The following AZI2 variants were observed in gnomAD, a reference collection of about 807,000 sequenced individuals.
AZI2 encodes 5-azacytidine-induced protein 2.
In AZI2, 22 loss-of-function variants were observed where a neutral mutation model predicts 45.8. The ratio of observed to expected loss-of-function variants is 0.48; its 90% CI spans 0.34 to 0.69. AZI2 has a LOEUF of 0.69. Among genes scored for constraint, AZI2 ranks in the 30% least tolerant of loss-of-function variants. The probability of loss-of-function intolerance (pLI) is 0.01; values close to 1 mark genes in which losing one functional copy is unlikely to be tolerated. For synonymous variants in AZI2, 137 were observed against 156.7 expected, an observed-to-expected ratio of 0.87 and a Z score of 0.94; for missense variants, 417 against 441.5, an observed-to-expected ratio of 0.94 and a Z score of 0.50.
chr3:28,336,323 GTTGTT>G (rs1319548235), intron 5 of AZI2, among the ~76,000 whole-genome samples: 1 of 151,812 alleles, frequency 6.6e-6, no homozygotes. Context: ...TTTCTTTGTT[GTTGTT>G]TTAATTATAA....
chr3:28,338,760 A>G, intron 2 of AZI2, 145 bp from the exon 3 acceptor site: 1 of 766,258 alleles, frequency 1.3e-6, no homozygotes, highest in Non-Finnish European at 1.9e-6. Context: ...TCATTTCCAC[A>G]AATTAATCTT....
intron 7 of AZI2, 133 bp downstream of exon 7, chr3:28,326,699 T>C (rs1238151017): frequency 1.3e-6 from 1 of 768,268 alleles, no homozygotes; most frequent in African/African-American, 1.7e-5. Flanking sequence ...AGAGAATGGG[T>C]AGGCTGCGAA....
At chr3:28,337,844 T>A in intron 4 of AZI2, 93 bp downstream of exon 4, 2 of 701,794 alleles carry the variant, frequency 2.8e-6, no homozygotes, top group Non-Finnish European at 4.3e-6. Flanking sequence ...AGTTAAGGTC[T>A]TAGCATATGG....
chr3:28,340,610 G>A lies in AZI2; in HGVS notation c.8C>T (p.Ala3Val), dbSNP rs752538099. 1.2e-6 allele frequency: 2 copies of A among 1,606,612 alleles called. No homozygotes were observed. Among genetic ancestry groups the A allele is most frequent in the Non-Finnish European group, 1.7e-6 (2 of 1,176,760 alleles). ...AATACAGATATCATCTTCTACCAGTGCATCCATGACAACTGTTTAAAAGAA... is the reference window on the plus strand; with the variant it reads ...AATACAGATATCATCTTCTACCAGTACATCCATGACAACTGTTTAAAAGAA... Reference protein sequence around the residue: MDALVEDDICILN... With the variant: MDVLVEDDICILN... Residue 3 changes from alanine to valine, a missense_variant, in exon 2 of 8, where the codon GCA becomes GTA. By Grantham distance (64) the Ala-to-Val change is moderately conservative. Coordinates refer to ENST00000479665, the MANE Select transcript of AZI2 (RefSeq NM_022461.5).
chr3:28,334,404 A>C (rs1322096370), intron 5 of AZI2, among the ~76,000 whole-genome samples: 5 of 151,948 alleles, frequency 3.3e-5, no homozygotes, highest in African/African-American at 1.2e-4. Flanking sequence ...ATGCATCAAG[A>C]TTTCAACTTG....
chr3:28,347,240 T>C (rs1005823896), intron 1 of AZI2, among the ~76,000 whole-genome samples: 7 of 152,212 alleles, frequency 4.6e-5, no homozygotes, highest in African/African-American at 1.7e-4. Context: ...CTTCAGCATT[T>C]TACTTAATAA....
chr3:28,342,525 C>T (rs1704057339), intron 1 of AZI2, among the ~76,000 whole-genome samples: 1 of 151,910 alleles, frequency 6.6e-6, no homozygotes, highest in South Asian at 2.1e-4. Flanking sequence ...ACTTTTCTTC[C>T]TCTAAAAGAG....
At position 28,342,413 on chromosome 3, in the gene AZI2, T is replaced by C. The variant is rs1373234492; in HGVS notation, c.-5-1791A>G. On this transcript the variant is annotated intron_variant, in intron 1 of 7. Transcript: ENST00000479665. ...AAAGTCCAAGAACAAGAATAGACTA[T>C]GCTATCTACAGTATACCAAAAAAGT... is the stretch of plus-strand genomic sequence containing the variant. 2.0e-5 allele frequency among the ~76,000 whole-genome samples: 3 copies of C among 152,162 alleles called. No homozygotes were observed. The East Asian group carries it at 5.8e-4, about 29-fold the overall frequency.
At chr3:28,324,704 G>A (rs370962571) in intron 7 of AZI2, 31 of 339,008 alleles carry the variant, frequency 9.1e-5, no homozygotes, top group Middle Eastern at 7.9e-4. Context: ...CTTGTCTGCA[G>A]AATGGATATA....
chr3:28,347,929 T>C (rs1310302583), intron 1 of AZI2, among the ~76,000 whole-genome samples: 1 of 152,258 alleles, frequency 6.6e-6, no homozygotes, highest in Non-Finnish European at 1.5e-5. Context: ...ATTTTAATTC[T>C]GGTACGTCTG....
chr3:28,337,410 A>G (rs1050595147), intron 4 of AZI2, among the ~76,000 whole-genome samples: 4 of 152,166 alleles, frequency 2.6e-5, no homozygotes, highest in African/African-American at 9.7e-5. Flanking sequence ...TCAATCTCCT[A>G]TCAGAAGGTC....
chr3:28,346,284 C>T (rs990703452), intron 1 of AZI2, among the ~76,000 whole-genome samples: 1 of 152,090 alleles, frequency 6.6e-6, no homozygotes, highest in Non-Finnish European at 1.5e-5. Flanking sequence ...AAAATTTTCC[C>T]ACCTATACAG....
At chr3:28,327,365 ATTG>A (rs1703425313) in intron 6 of AZI2, among the ~76,000 whole-genome samples, 1 of 151,012 alleles carries the variant, frequency 6.6e-6, no homozygotes, top group African/African-American at 2.4e-5. Context: ...TTATCTTTTG[ATTG>A]TTTTGACACT....
chr3:28,341,449 G>T (rs192559345), intron 1 of AZI2: 1 of 152,190 alleles, frequency 6.6e-6, no homozygotes, highest in African/African-American at 2.4e-5. Context: ...ACTGAATGAA[G>T]AGTGGGTAGA....
At chr3:28,335,605 T>C (rs1335512216) in intron 5 of AZI2, among the ~76,000 whole-genome samples, 1 of 152,014 alleles carries the variant, frequency 6.6e-6, no homozygotes, top group Non-Finnish European at 1.5e-5. Context: ...AGGAATTCAT[T>C]TGGCCAAGGA....
intron 1 of AZI2, among the ~76,000 whole-genome samples, chr3:28,345,167 A>T (rs1211346412): frequency 6.6e-6 from 1 of 152,122 alleles, no homozygotes; most frequent in African/African-American, 2.4e-5. Context: ...AAAACTGCAA[A>T]GTGCACTCTG....
intron 6 of AZI2, among the ~76,000 whole-genome samples, chr3:28,331,071 G>A (rs1703551648): frequency 6.6e-6 from 1 of 151,184 alleles, no homozygotes; most frequent in African/African-American, 2.4e-5. Context: ...ATTTTCTGGG[G>A]GAGTCAGGTT....
At position 28,336,782 on chromosome 3, in the gene AZI2, T is replaced by C; in HGVS notation, c.543A>G (p.Lys181=). 3 of 1,613,502 alleles carry C rather than the reference T, an allele frequency of 1.9e-6. No homozygotes were observed. Among genetic ancestry groups the C allele is most frequent in the Non-Finnish European group, 2.5e-6 (3 of 1,179,668 alleles). The change falls in exon 5 of 8, where the codon AAA becomes AAG. Residue 181 remains lysine, a synonymous_variant. Transcript: ENST00000479665. Reference sequence around the variant, plus strand: ...GTTCTATTTTGAGATCGCTACATTCTTTCCTCATCAGTTCCAGCTCTTGTT... The same window carrying C: ...GTTCTATTTTGAGATCGCTACATTCCTTCCTCATCAGTTCCAGCTCTTGTT... ...GLEQELELMR[K]ECSDLKIELQ...
intron 6 of AZI2, chr3:28,332,032 C>CAAAGGAATGTTA (rs1398138084): frequency 4.8e-6 from 4 of 834,422 alleles, no homozygotes; most frequent in Non-Finnish European, 7.7e-6. Context: ...GCTCTTAAGA[C>CAAAGGAATGTTA]AAAGGAATGT....
Sources: allele counts gnomAD v4.1 joint callset (sites outside exome capture counted in the v4.1 genomes callset), GRCh38; gene constraint gnomAD v4.1.1; transcripts MANE v1.5; gene names NCBI Gene and HGNC (gene_info 2026-07-23, HGNC 2026-07-21).